Variants in DLGAP2 observed in about 807,000 individuals in gnomAD.
DLGAP2 encodes the protein DLG associated protein 2, also known as disks large-associated protein 2.
Under a neutral mutation model 100.3 loss-of-function variants are expected in DLGAP2, and 26 were observed. The ratio of observed to expected loss-of-function variants is 0.26; its 90% confidence interval spans 0.19 to 0.36. The LOEUF (loss-of-function observed/expected upper bound fraction) is 0.36. Among genes scored for constraint, DLGAP2 ranks in the 10% least tolerant of loss-of-function variants. The pLI is 1.00. For synonymous variants in DLGAP2, 886 were observed against 630.1 expected (o/e 1.41, Z -6.08); for missense variants, 1,858 against 1,453.2 (o/e 1.28, Z -4.53).
chr8:1,562,946 T>C (rs867245221), intron 5 of DLGAP2, among the ~76,000 whole-genome samples: 3 of 85,812 alleles, frequency 3.5e-5, no homozygotes, highest in Admixed American at 2.6e-4. Context: ...GACTGTGCAG[T>C]GTCCGGGTGT....
At position 762,000 on chromosome 8, in the gene DLGAP2, C is replaced by T. The variant is rs539314148; in HGVS notation, c.18+24175C>T. Reference sequence around the variant, plus strand: ...CGAGGAGGAACTGATGAACCCGCCTCGGGTGCAGCATCCAGAATATTTACG... The same window carrying T: ...CGAGGAGGAACTGATGAACCCGCCTTGGGTGCAGCATCCAGAATATTTACG... On this transcript the variant is annotated intron_variant, in intron 1 of 14. Transcript: ENST00000637795. Among the ~76,000 whole-genome samples, 12 of 152,274 alleles carry T rather than the reference C, an allele frequency of 7.9e-5. No individual in the cohort carries two copies. The East Asian group carries it at 1.4e-3, about 17-fold the overall frequency.
rs568562772 is a variant in DLGAP2, at chr8:1,328,074, C to G, written c.106+69191C>G. Among the ~76,000 whole-genome samples, 5 of 152,044 alleles carry G rather than the reference C, an allele frequency of 3.3e-5. No individual in the cohort carries two copies. In the East Asian group the frequency reaches 7.8e-4, roughly 24 times the overall value. ...TTTTTTTTGGAGACAGAGTCTCACT[C>G]TGTCTCCCAGGCTGGAGTGCAGTGG... On this transcript the variant is annotated intron_variant, in intron 3 of 14. Transcript: ENST00000637795.
chr8:1,461,112 G>T (rs1465402897), intron 3 of DLGAP2, among the ~76,000 whole-genome samples: 2 of 151,116 alleles, frequency 1.3e-5, no homozygotes, highest in East Asian at 2.0e-4. Context: ...CGTGGGCTGG[G>T]TGCAGTCGCT....
chr8:914,431 A>G (rs766900927), intron 2 of DLGAP2, among the ~76,000 whole-genome samples: 6 of 152,232 alleles, frequency 3.9e-5, no homozygotes, highest in Non-Finnish European at 5.9e-5. Flanking sequence ...TGGTCATGCT[A>G]TTTAATTCCT....
At chr8:1,564,584 TATATAACAGGC>T in intron 5 of DLGAP2, among the ~76,000 whole-genome samples, 1 of 152,336 alleles carries the variant, frequency 6.6e-6, no homozygotes, top group South Asian at 2.1e-4. Flanking sequence ...GCCTGGCAGA[TATATAACAGGC>T]ATAGGTGCTC....
intron 5 of DLGAP2, among the ~76,000 whole-genome samples, chr8:1,555,120 A>C (rs1006414908): frequency 3.3e-5 from 5 of 151,918 alleles, no homozygotes; most frequent in Middle Eastern, 3.2e-3. Flanking sequence ...GTGTGGCCAC[A>C]CCTCACTTCC....
Position 1,644,242 on chromosome 8 carries a change from C to G in DLGAP2, c.1810+11196C>G, listed in dbSNP as rs78703770. Among the ~76,000 whole-genome samples the G allele has an allele frequency of 5.6e-3, 856 of 152,310 alleles. 8 individuals are homozygous for G. Among genetic ancestry groups the G allele is most frequent in the African/African-American group, 0.02 (818 of 41,560 alleles). On this transcript the variant is annotated intron_variant, in intron 8 of 14. Transcript: ENST00000637795. ...CCATCCTGCCTGCAGGACATTCTTG[C>G]TAAAAAGGCAGCCTGACCCTAAGCC... is the stretch of plus-strand genomic sequence containing the variant.
chr8:983,462 A>G (rs113173418), intron 2 of DLGAP2, among the ~76,000 whole-genome samples: 14 of 147,088 alleles, frequency 9.5e-5, no homozygotes, highest in Non-Finnish European at 1.7e-4. Flanking sequence ...ATGTTCTTCT[A>G]TCCCTTAGAA....
intron 1 of DLGAP2, among the ~76,000 whole-genome samples, chr8:907,538 C>T (rs1798405005): frequency 6.6e-6 from 1 of 152,216 alleles, no homozygotes; most frequent in Admixed American, 6.5e-5. Context: ...CCCTCCATTT[C>T]CAGGCTCTAA....
intron 8 of DLGAP2, among the ~76,000 whole-genome samples, chr8:1,667,692 G>T (rs1261969629): frequency 6.6e-6 from 1 of 152,194 alleles, no homozygotes; most frequent in Non-Finnish European, 1.5e-5. Flanking sequence ...TCACACACAG[G>T]TTTCCTGTAC....
intron 2 of DLGAP2, among the ~76,000 whole-genome samples, chr8:1,054,563 C>T (rs948163684): frequency 1.3e-5 from 2 of 152,108 alleles, no homozygotes; most frequent in African/African-American, 2.4e-5. Context: ...TTTTCTATGG[C>T]GTTCATTATT....
chr8:1,142,786 G>A (rs551484164), intron 2 of DLGAP2, among the ~76,000 whole-genome samples: 19 of 152,288 alleles, frequency 1.2e-4, no homozygotes, highest in South Asian at 1.2e-3. Context: ...GTTAGGCAGA[G>A]GATTGAAAAG....
chr8:864,357 G>C (rs966362379), intron 1 of DLGAP2, among the ~76,000 whole-genome samples: 1 of 152,144 alleles, frequency 6.6e-6, no homozygotes. Flanking sequence ...GTAAAGAAAC[G>C]ATGAAAGTAG....
At chr8:1,180,056 G>C (rs1356337163) in intron 2 of DLGAP2, among the ~76,000 whole-genome samples, 1 of 152,190 alleles carries the variant, frequency 6.6e-6, no homozygotes, top group Non-Finnish European at 1.5e-5. Context: ...CACTGGCAAA[G>C]AATTGTTGAA....
chr8:737,865 C>T, intron 1 of DLGAP2, 40 bp downstream of exon 1: 1 of 374,132 alleles, frequency 2.7e-6, no homozygotes, highest in East Asian at 3.8e-5. Flanking sequence ...GGGCGCGGGG[C>T]TCCGAGAGCC....
At chr8:1,452,834 C>T (rs1054736518) in intron 3 of DLGAP2, among the ~76,000 whole-genome samples, 2 of 152,174 alleles carry the variant, frequency 1.3e-5, no homozygotes, top group Non-Finnish European at 2.9e-5. Context: ...CCTATGAAAC[C>T]AGATTGTCTC....
At chr8:1,463,298 C>A (rs917849783) in intron 3 of DLGAP2, among the ~76,000 whole-genome samples, 1 of 152,140 alleles carries the variant, frequency 6.6e-6, no homozygotes, top group Non-Finnish European at 1.5e-5. Flanking sequence ...GACAAGCGGC[C>A]CCAGCGTTTG....
At chr8:870,497 T>A (rs1340747083) in intron 1 of DLGAP2, among the ~76,000 whole-genome samples, 2 of 152,106 alleles carry the variant, frequency 1.3e-5, no homozygotes, top group East Asian at 3.9e-4. Flanking sequence ...TCCTGCACTT[T>A]CTCACCCCTT....
At chr8:1,583,793 G>A (rs1295793640) in intron 6 of DLGAP2, among the ~76,000 whole-genome samples, 1 of 152,104 alleles carries the variant, frequency 6.6e-6, no homozygotes, top group Non-Finnish European at 1.5e-5. Context: ...TTCTGTTTGA[G>A]ACCCTCCACG....
Sources: gnomAD v4.1 joint callset for allele counts (sites outside exome capture counted in the v4.1 genomes callset) on GRCh38, gnomAD v4.1.1 for gene constraint, MANE v1.5 for transcripts, NCBI Gene and HGNC (gene_info 2026-07-23, HGNC 2026-07-21) for gene names.